The following NAP1L1 variants were observed in gnomAD, a reference collection of about 807,000 sequenced individuals.
NAP1L1 encodes nucleosome assembly protein 1 like 1, also known as nucleosome assembly protein 1-like 1.
Under a neutral mutation model 58.9 loss-of-function variants are expected in NAP1L1, and 9 were observed. That is an observed-to-expected ratio of 0.15 (90% CI 0.09 to 0.27). The LOEUF (loss-of-function observed/expected upper bound fraction) is 0.27. NAP1L1 is among the 10% of genes least tolerant of loss of function. The pLI, the probability that NAP1L1 is intolerant of heterozygous loss-of-function variation, is 1.00. For missense variants in NAP1L1, 302 were observed against 458.8 expected (o/e 0.66, Z 3.12); for synonymous variants, 130 against 138.3 (o/e 0.94, Z 0.42).
At position 76,082,343 on chromosome 12, in the gene NAP1L1, T is replaced by C. The variant is rs936664264; in HGVS notation, c.-21+2224A>G. On this transcript the variant is annotated intron_variant, in intron 1 of 14. Coordinates refer to ENST00000618691, the MANE Select transcript of NAP1L1 (RefSeq NM_004537.7). ...AATGAGATGGCATTTTGGATTACATTAGTTATGGTACAGGTATTCGTTTCA... is the reference window on the plus strand; with the variant it reads ...AATGAGATGGCATTTTGGATTACATCAGTTATGGTACAGGTATTCGTTTCA... Among the ~76,000 whole-genome samples, 3 of 152,164 alleles carry C rather than the reference T, an allele frequency of 2.0e-5. No homozygotes were observed. In the South Asian group the frequency reaches 6.2e-4, roughly 31 times the overall value.
chr12:76,073,897 G>C (rs1247690158), intron 2 of NAP1L1: 1 of 253,856 alleles, frequency 3.9e-6, no homozygotes, highest in African/African-American at 2.3e-5. Flanking sequence ...TAAATCTTTG[G>C]GAAATATATA....
chr12:76,059,111 T>C (rs112014245), intron 6 of NAP1L1, among the ~76,000 whole-genome samples: 14 of 152,332 alleles, frequency 9.2e-5, no homozygotes, highest in African/African-American at 3.4e-4. Context: ...CACAATATGA[T>C]TTATAATAAA....
At chr12:76,055,406 C>T (rs1420380747) in intron 7 of NAP1L1, among the ~76,000 whole-genome samples, 1 of 152,170 alleles carries the variant, frequency 6.6e-6, no homozygotes, top group Non-Finnish European at 1.5e-5. Flanking sequence ...CTGCCTTTTC[C>T]AGCTGCTTGT....
In NAP1L1 at chr12:76,042,862, CTT is replaced by C. The variant is rs1948562789; in HGVS notation, c.*5565_*5566del. 1 of 152,162 alleles carries C rather than the reference CTT, an allele frequency of 6.6e-6. No individual in the cohort carries two copies. Among genetic ancestry groups the C allele is most frequent in the Non-Finnish European group, 1.5e-5 (1 of 68,020 alleles). The allele number at this position is 152,162 out of a possible 1,614,324, so 9.4% of individuals were successfully genotyped here. A position where few individuals can be genotyped will look rare whatever the true frequency, so the allele number is the denominator to read the frequency against. Reference sequence around the variant, plus strand: ...AGAAAACGCCTGTAAGACTAGAAAACTTTTTGAGCCAAAAAGTATGTTGATCA... The same window carrying C: ...AGAAAACGCCTGTAAGACTAGAAAACTTTGAGCCAAAAAGTATGTTGATCA... On this transcript the variant is annotated 3_prime_UTR_variant, in exon 15 of 15. Coordinates refer to ENST00000618691, the MANE Select transcript of NAP1L1 (RefSeq NM_004537.7).
chr12:76,057,462 T>C, intron 6 of NAP1L1: 1 of 626,922 alleles, frequency 1.6e-6, no homozygotes, highest in Non-Finnish European at 2.9e-6. Flanking sequence ...GGAAACGAGT[T>C]GCATTTGTCG....
At chr12:76,078,492 A>G (rs1180574259) in intron 1 of NAP1L1, among the ~76,000 whole-genome samples, 1 of 152,230 alleles carries the variant, frequency 6.6e-6, no homozygotes, top group South Asian at 2.1e-4. Context: ...ACAGAAATCA[A>G]TCCTACACAA....
chr12:76,054,012 A>T lies in NAP1L1; in HGVS notation c.631-103T>A, dbSNP rs558317220. 5.6e-4 allele frequency: 666 copies of T among 1,193,952 alleles called. 3 individuals carry two copies. The highest frequency in any genetic ancestry group is 1.4e-4 in the Non-Finnish European group (116 of 857,350). 74.0% of individuals were successfully genotyped at this position (1,193,952 alleles called of 1,614,324 possible). ...GTTTTTATAAATATTCTAAATGATA[A>T]TTTTTTTTTCTACTCTGAAATACAA... On this transcript the variant is annotated intron_variant, in intron 8 of 14. Transcript: ENST00000618691.
intron 4 of NAP1L1, among the ~76,000 whole-genome samples, chr12:76,063,456 A>G (rs2137030097): frequency 1.3e-5 from 2 of 152,358 alleles, no homozygotes; most frequent in South Asian, 4.1e-4. Flanking sequence ...TGGCAGCAAT[A>G]AATCCAAAAA....
chr12:76,039,581 C>G lies in NAP1L1; in HGVS notation c.*8848G>C, dbSNP rs1218296005. 1 of 152,156 alleles carries G rather than the reference C, an allele frequency of 6.6e-6. No individual in the cohort carries two copies. The highest frequency in any genetic ancestry group is 1.9e-4 in the East Asian group (1 of 5,200). 9.4% of individuals were successfully genotyped at this position (152,156 alleles called of 1,614,324 possible). ...GTTTAAAATGAAATCTAGATTAACT[C>G]TGGTCTCTAAAATATTTCATCTCTG... On this transcript the variant is annotated 3_prime_UTR_variant, in exon 15 of 15. Transcript: ENST00000618691.
In NAP1L1 at chr12:76,053,754, GTAAAAT is replaced by G. The variant is rs772450224; in HGVS notation, c.770+10_770+15del. The G allele has an allele frequency of 9.4e-6, 15 of 1,597,532 alleles. No individual in the cohort carries two copies. The highest frequency in any genetic ancestry group is 1.8e-5 in the Admixed American group (1 of 55,616). ...ACAGAAAAAACATTTTGTTAAGGTA[GTAAAAT>G]TAAACTCACCCTGTACAACCCATAA... is the stretch of plus-strand genomic sequence containing the variant. On this transcript the variant is annotated intron_variant, in intron 9 of 14. Coordinates refer to ENST00000618691, the MANE Select transcript of NAP1L1 (RefSeq NM_004537.7).
At chr12:76,049,006 A>G in intron 14 of NAP1L1, 194 bp downstream of exon 14, 1 of 568,700 alleles carries the variant, frequency 1.8e-6, no homozygotes, top group Non-Finnish European at 3.1e-6. Context: ...ACAAAAAACA[A>G]TGTTTTTTAG....
At chr12:76,049,872 A>G in intron 12 of NAP1L1, 87 bp from the exon 13 acceptor site, 3 of 1,442,602 alleles carry the variant, frequency 2.1e-6, no homozygotes, top group South Asian at 1.2e-5. Flanking sequence ...TGTATAAACT[A>G]GTGTCTAAAA....
chr12:76,074,812 A>G (rs1950109481), intron 1 of NAP1L1, among the ~76,000 whole-genome samples: 1 of 152,202 alleles, frequency 6.6e-6, no homozygotes, highest in Non-Finnish European at 1.5e-5. Flanking sequence ...CAAAAGCTCT[A>G]GGTCCCAATC....
intron 1 of NAP1L1, among the ~76,000 whole-genome samples, chr12:76,080,503 T>C (rs758556603): frequency 1.3e-5 from 2 of 152,196 alleles, no homozygotes; most frequent in Non-Finnish European, 2.9e-5. Flanking sequence ...CCCAGGTATG[T>C]ACTAGGCCGT....
intron 14 of NAP1L1, among the ~76,000 whole-genome samples, chr12:76,048,686 G>A (rs980231654): frequency 3.9e-5 from 6 of 152,056 alleles, no homozygotes; most frequent in Admixed American, 6.5e-5. Context: ...TGTGACACAC[G>A]CTAAACCATA....
chr12:76,073,185 G>C (rs1026773769), intron 2 of NAP1L1, among the ~76,000 whole-genome samples: 4 of 151,854 alleles, frequency 2.6e-5, no homozygotes, highest in African/African-American at 9.7e-5. Context: ...GATAAAATGC[G>C]TAAGAGTGGC....
chr12:76,071,227 T>G (rs1183650439), intron 2 of NAP1L1, among the ~76,000 whole-genome samples: 1 of 152,092 alleles, frequency 6.6e-6, no homozygotes, highest in Non-Finnish European at 1.5e-5. Flanking sequence ...CCACCAAGCC[T>G]TTTACAGAGA....
chr12:76,078,000 A>G (rs56369641), intron 1 of NAP1L1, among the ~76,000 whole-genome samples: 4,030 of 149,174 alleles, frequency 0.027, 279 homozygotes, highest in African/African-American at 0.097. Flanking sequence ...AAAAAAAAAA[A>G]AGGAAAAGAA....
At chr12:76,071,925 CCAGA>C (rs1246622414) in intron 2 of NAP1L1, among the ~76,000 whole-genome samples, 1 of 149,892 alleles carries the variant, frequency 6.7e-6, no homozygotes, top group African/African-American at 2.5e-5. Flanking sequence ...AGATCTTTAC[CCAGA>C]CACTGTTCAA....
Sources: gnomAD v4.1 joint callset for allele counts (sites outside exome capture counted in the v4.1 genomes callset) on GRCh38, gnomAD v4.1.1 for gene constraint, MANE v1.5 for transcripts, NCBI Gene and HGNC (gene_info 2026-07-23, HGNC 2026-07-21) for gene names.